Variants in NIBAN1 observed in about 807,000 individuals in gnomAD.
NIBAN1 encodes the protein niban apoptosis regulator 1, also known as protein Niban 1.
In NIBAN1, 81 loss-of-function variants were observed where a neutral mutation model predicts 75.1. The observed-to-expected ratio is 1.08, with a 90% CI of 0.90 to 1.30. NIBAN1 has a LOEUF of 1.30. NIBAN1 is among the 50% of genes most tolerant of loss of function. The pLI, the probability that NIBAN1 is intolerant of heterozygous loss-of-function variation, is 0.00. For missense variants in NIBAN1, 1,133 were observed against 1,128.1 expected (o/e 1.00, Z -0.06); for synonymous variants, 436 against 424.8 (o/e 1.03, Z -0.32).
At chr1:184,854,708 A>G (rs1655629609) in intron 5 of NIBAN1, among the ~76,000 whole-genome samples, 1 of 152,206 alleles carries the variant, frequency 6.6e-6, no homozygotes, top group Non-Finnish European at 1.5e-5. Flanking sequence ...CTATATTTAT[A>G]GTAACAGATT....
intron 10 of NIBAN1, among the ~76,000 whole-genome samples, chr1:184,806,475 G>A (rs1449920576): frequency 6.6e-6 from 1 of 152,168 alleles, no homozygotes; most frequent in Non-Finnish European, 1.5e-5. Context: ...GCAGGGTCAG[G>A]GATGGGTGGG....
At chr1:184,960,621 AAATGT>A (rs1658605816) in intron 1 of NIBAN1, among the ~76,000 whole-genome samples, 1 of 43,162 alleles carries the variant, frequency 2.3e-5, no homozygotes, top group Admixed American at 2.1e-4. Flanking sequence ...AACAACAACA[AAATGT>A]TGTTGTTGTT....
intron 1 of NIBAN1, among the ~76,000 whole-genome samples, chr1:184,966,251 G>T (rs1221188858): frequency 6.6e-6 from 1 of 152,136 alleles, no homozygotes; most frequent in Non-Finnish European, 1.5e-5. Flanking sequence ...GCCATTCCAG[G>T]CCTAAGCCAC....
chr1:184,912,565 T>C (rs1056228733), intron 1 of NIBAN1, among the ~76,000 whole-genome samples: 2 of 152,172 alleles, frequency 1.3e-5, no homozygotes, highest in Non-Finnish European at 2.9e-5. Context: ...GGTGCCTTCA[T>C]TTGCACTTAC....
intron 1 of NIBAN1, among the ~76,000 whole-genome samples, chr1:184,937,916 G>A (rs147905173): frequency 2.5e-4 from 38 of 152,318 alleles, no homozygotes; most frequent in African/African-American, 7.2e-4. Flanking sequence ...ATGTGAGTCC[G>A]GGTGAGGGAC....
chr1:184,919,519 C>T (rs1269026160), intron 1 of NIBAN1, among the ~76,000 whole-genome samples: 3 of 152,122 alleles, frequency 2.0e-5, no homozygotes, highest in Non-Finnish European at 4.4e-5. Flanking sequence ...CACGTTTAAA[C>T]GGTCTTAATA....
rs551033412 is a variant in NIBAN1 at position 184,964,559 on chromosome 1, T to C, written c.55+9743A>G. Reference sequence around the variant, plus strand: ...CTGTAAACCTTGATTGCTTCTTCTGTGAAACGGAGCTAATGATATCTCCAT... The same window carrying C: ...CTGTAAACCTTGATTGCTTCTTCTGCGAAACGGAGCTAATGATATCTCCAT... On this transcript the variant is annotated intron_variant, in intron 1 of 13. Coordinates refer to ENST00000367511, the MANE Select transcript of NIBAN1 (RefSeq NM_052966.4). Among the ~76,000 whole-genome samples, 85 of 152,316 alleles carry C rather than the reference T, an allele frequency of 5.6e-4. 3 individuals carry two copies. The South Asian group carries it at 0.017, about 30-fold the overall frequency.
chr1:184,898,699 T>C (rs757811995), intron 2 of NIBAN1, among the ~76,000 whole-genome samples: 13 of 152,224 alleles, frequency 8.5e-5, no homozygotes, highest in Non-Finnish European at 1.5e-4. Context: ...TTATTACCCG[T>C]TTCCTGTGTG....
chr1:184,971,120 T>C (rs922810540), intron 1 of NIBAN1, among the ~76,000 whole-genome samples: 2 of 151,172 alleles, frequency 1.3e-5, no homozygotes, highest in South Asian at 2.1e-4. Context: ...ATCCCATCTC[T>C]ACAAAAAATA....
rs908185678 is a variant in NIBAN1, at chr1:184,829,464, C to T, written c.717+2383G>A. ...AAAGGATTTATTAAATACATATATT[C>T]TTTTTTTTTTTTTTTTTTTTGAGAT... On this transcript the variant is annotated intron_variant, in intron 6 of 13. Transcript: ENST00000367511. Among the ~76,000 whole-genome samples, 198 of 129,028 alleles carry T rather than the reference C, an allele frequency of 1.5e-3. 20 individuals are homozygous for T. The highest frequency in any genetic ancestry group is 1.9e-3 in the Non-Finnish European group (121 of 62,474). 84.6% of individuals were successfully genotyped at this position (129,028 alleles called of 152,430 possible). A position where few individuals can be genotyped will look rare whatever the true frequency, so the allele number is the denominator to read the frequency against.
At chr1:184,881,401 T>C (rs1024229053) in intron 5 of NIBAN1, among the ~76,000 whole-genome samples, 3 of 152,080 alleles carry the variant, frequency 2.0e-5, no homozygotes, top group Non-Finnish European at 2.9e-5. Context: ...CTGGCGCAAG[T>C]GGGCTAGGTT....
At chr1:184,933,196 A>G (rs1330067978) in intron 1 of NIBAN1, among the ~76,000 whole-genome samples, 1 of 152,196 alleles carries the variant, frequency 6.6e-6, no homozygotes, top group Admixed American at 6.5e-5. Context: ...CATCCCTGCT[A>G]TGCCCCTGCT....
Position 184,829,002 on chromosome 1 carries a change from G to A in NIBAN1, c.717+2845C>T, listed in dbSNP as rs138717699. On this transcript the variant is annotated intron_variant, in intron 6 of 13. Coordinates refer to ENST00000367511, the MANE Select transcript of NIBAN1 (RefSeq NM_052966.4). ...TTTTGAAGAGATAGGGTCTTGCTAT[G>A]TTGCCCAGGCTAATCTCGAACTCCC... is the stretch of plus-strand genomic sequence containing the variant. Among the ~76,000 whole-genome samples the A allele has an allele frequency of 5.5e-3, 842 of 152,154 alleles. 5 individuals are homozygous for A. The highest frequency in any genetic ancestry group is 8.8e-3 in the Admixed American group (135 of 15,284).
chr1:184,835,786 C>A (rs1655126194), intron 5 of NIBAN1, among the ~76,000 whole-genome samples: 1 of 152,234 alleles, frequency 6.6e-6, no homozygotes, highest in African/African-American at 2.4e-5. Flanking sequence ...ATGTCATCTG[C>A]AAACAGGGAC....
intron 6 of NIBAN1, among the ~76,000 whole-genome samples, chr1:184,827,314 A>G (rs1654867907): frequency 6.6e-6 from 1 of 151,896 alleles, no homozygotes; most frequent in African/African-American, 2.4e-5. Flanking sequence ...CCCAACCACC[A>G]TCCTCATCCT....
At chr1:184,798,621 T>C (rs1462968302) in intron 12 of NIBAN1, among the ~76,000 whole-genome samples, 1 of 152,190 alleles carries the variant, frequency 6.6e-6, no homozygotes. Context: ...TTAATCACAA[T>C]AGCACTTTAC....
intron 1 of NIBAN1, among the ~76,000 whole-genome samples, chr1:184,934,156 A>T (rs1189214714): frequency 6.6e-6 from 1 of 152,238 alleles, no homozygotes; most frequent in African/African-American, 2.4e-5. Context: ...TAACAAAATT[A>T]TGTCCTTTGC....
rs560401391 is a variant in NIBAN1 at position 184,959,456 on chromosome 1, T to G, written c.55+14846A>C. Among the ~76,000 whole-genome samples the G allele has an allele frequency of 4.5e-4, 68 of 152,376 alleles. 3 individuals carry two copies. In the South Asian group the frequency reaches 0.013, roughly 30 times the overall value. ...TAATGACTGCTTTACCATCTTTGTC[T>G]GCTAATTTCGCCATGTCTATAATTC... On this transcript the variant is annotated intron_variant, in intron 1 of 13. Transcript: ENST00000367511.
intron 1 of NIBAN1, among the ~76,000 whole-genome samples, chr1:184,906,714 A>C (rs1422473636): frequency 6.6e-6 from 1 of 152,226 alleles, no homozygotes; most frequent in Non-Finnish European, 1.5e-5. Flanking sequence ...TTTGTCCATG[A>C]AATTATTTGT....
Sources: allele counts gnomAD v4.1 joint callset (sites outside exome capture counted in the v4.1 genomes callset), GRCh38; gene constraint gnomAD v4.1.1; transcripts MANE v1.5; gene names NCBI Gene and HGNC (gene_info 2026-07-23, HGNC 2026-07-21).